VAV2: variants seen among roughly 807,000 people sequenced by gnomAD.
The protein encoded by VAV2 is vav guanine nucleotide exchange factor 2.
A neutral mutation model predicts 132.5 loss-of-function variants in VAV2; 67 were observed. That is an observed-to-expected ratio of 0.51 (90% CI 0.42 to 0.62). The LOEUF (loss-of-function observed/expected upper bound fraction) is 0.62, where lower values mean the gene tolerates loss of function less well. VAV2 is among the 20% of genes least tolerant of loss of function. The probability of loss-of-function intolerance (pLI) is 0.00; values close to 1 mark genes in which losing one functional copy is unlikely to be tolerated. For missense variants in VAV2, 938 were observed against 1,153.6 expected (o/e 0.81, Z 2.71); for synonymous variants, 492 against 443.5 (o/e 1.11, Z -1.37).
At chr9:133,872,522 G>A (rs1394739382) in intron 2 of VAV2, among the ~76,000 whole-genome samples, 1 of 152,220 alleles carries the variant, frequency 6.6e-6, no homozygotes, top group East Asian at 1.9e-4. Context: ...TGAAGGGTCG[G>A]GGTCCTAGGC....
At chr9:133,767,335 G>A (rs1245773600) in intron 29 of VAV2, among the ~76,000 whole-genome samples, 1 of 152,116 alleles carries the variant, frequency 6.6e-6, no homozygotes, top group Non-Finnish European at 1.5e-5. Context: ...AGCAGATCAA[G>A]GAGACTACAG....
At chr9:133,766,759 A>AATAAATATATAT (rs1554767605) in intron 29 of VAV2, among the ~76,000 whole-genome samples, 40 of 112,112 alleles carry the variant, frequency 3.6e-4, no homozygotes, top group South Asian at 5.9e-4. Context: ...AGTATAAATA[A>AATAAATATATAT]ATATATATAT....
rs1036543100 is a variant in VAV2, at chr9:133,962,193, G to A, written c.205-22974C>T. ...GGGGGATGAAGGGGTAACAGGTAAG[G>A]ATCTCAAGATGAGGCCACCCAGGAT... On this transcript the variant is annotated intron_variant, in intron 1 of 29. Transcript: ENST00000371850. Among the ~76,000 whole-genome samples, 13 of 152,258 alleles carry A rather than the reference G, an allele frequency of 8.5e-5. No homozygotes were observed. The East Asian group carries it at 2.5e-3, about 29-fold the overall frequency.
chr9:133,907,370 T>C (rs1373498256), intron 2 of VAV2, among the ~76,000 whole-genome samples: 2 of 152,102 alleles, frequency 1.3e-5, no homozygotes, highest in Non-Finnish European at 2.9e-5. Context: ...CTCCATCCCA[T>C]CACGGTTCAA....
intron 1 of VAV2, among the ~76,000 whole-genome samples, chr9:133,952,979 TAGAACCTGGAGGGAGCATGGCCCCC>T (rs1841616996): frequency 1.4e-5 from 2 of 140,828 alleles, no homozygotes; most frequent in East Asian, 4.2e-4. Context: ...CCGGGACACC[TAGAACCTGGAGGGAGCATGGCCCCC>T]GGGACACCTA....
intron 12 of VAV2, 71 bp downstream of exon 12, chr9:133,795,597 C>T: frequency 7.6e-6 from 12 of 1,576,102 alleles, no homozygotes; most frequent in Non-Finnish European, 1.0e-5. Flanking sequence ...CGTTAATGAG[C>T]CCAATTCCAG....
chr9:133,810,369 C>T (rs1835314435), intron 5 of VAV2, among the ~76,000 whole-genome samples, 164 bp from the exon 6 acceptor site: 2 of 152,352 alleles, frequency 1.3e-5, no homozygotes, highest in East Asian at 1.9e-4. Flanking sequence ...GGCGATGGCT[C>T]ATGGGCCAGA....
At chr9:133,974,450 C>T (rs992629691) in intron 1 of VAV2, among the ~76,000 whole-genome samples, 8 of 152,156 alleles carry the variant, frequency 5.3e-5, no homozygotes, top group Non-Finnish European at 1.2e-4. Flanking sequence ...ACAGTCACAT[C>T]AGCAGTGGTC....
chr9:133,961,840 G>A lies in VAV2; in HGVS notation c.205-22621C>T, dbSNP rs559999492. 1.6e-4 allele frequency among the ~76,000 whole-genome samples: 24 copies of A among 152,208 alleles called. No individual in the cohort carries two copies. Among genetic ancestry groups the A allele is most frequent in the Middle Eastern group, 3.4e-3 (1 of 294 alleles). The stretch of plus-strand genomic sequence containing the variant: ...AGTGGCCCCTCGTTCTGGTGGCCAC[G>A]CAGGCCTAGGCTGGGAACAGGGAGA... On this transcript the variant is annotated intron_variant, in intron 1 of 29. Coordinates refer to ENST00000371850, the MANE Select transcript of VAV2 (RefSeq NM_001134398.2). This position sits in a 1 kb window ranked among gnomAD's most constrained non-coding sequence, Gnocchi z 4.1.
intron 4 of VAV2, among the ~76,000 whole-genome samples, chr9:133,831,193 T>C (rs12554517): frequency 0.02 from 3,075 of 152,078 alleles, 79 homozygotes; most frequent in Admixed American, 0.058. Context: ...CTCAGCACTA[T>C]GGGAGGCCGA....
chr9:133,894,113 G>C (rs1487528623), intron 2 of VAV2, among the ~76,000 whole-genome samples: 2 of 152,204 alleles, frequency 1.3e-5, no homozygotes, highest in African/African-American at 4.8e-5. Flanking sequence ...AAGCTGCACG[G>C]GTGAGACCCT....
intron 23 of VAV2, among the ~76,000 whole-genome samples, chr9:133,777,034 C>CT (rs1833840236): frequency 6.6e-6 from 1 of 152,100 alleles, no homozygotes; most frequent in African/African-American, 2.4e-5. Context: ...TTTTTTCTCT[C>CT]TAAGGCTGCG....
chr9:133,798,894 C>T (rs891355342), intron 9 of VAV2, among the ~76,000 whole-genome samples: 1 of 152,218 alleles, frequency 6.6e-6, no homozygotes, highest in Non-Finnish European at 1.5e-5. Flanking sequence ...GTGATATGCT[C>T]TCTGGCAGGG....
intron 2 of VAV2, among the ~76,000 whole-genome samples, chr9:133,909,713 G>A (rs1344316378): frequency 6.6e-6 from 1 of 152,192 alleles, no homozygotes; most frequent in Admixed American, 6.5e-5. Flanking sequence ...GACACACGGT[G>A]TGTGAGGCCG....
At chr9:133,988,725 C>T (rs1435531356) in intron 1 of VAV2, among the ~76,000 whole-genome samples, 1 of 152,174 alleles carries the variant, frequency 6.6e-6, no homozygotes, top group Non-Finnish European at 1.5e-5. Flanking sequence ...AGTTCGAGAC[C>T]ACCCTGGCCA....
chr9:133,822,128 C>T (rs908585185), intron 4 of VAV2, among the ~76,000 whole-genome samples: 1 of 151,646 alleles, frequency 6.6e-6, no homozygotes, highest in Non-Finnish European at 1.5e-5. Flanking sequence ...AGAAAGGCAG[C>T]TGCTCAGAGG....
chr9:133,801,780 G>C (rs1005912628), intron 9 of VAV2, among the ~76,000 whole-genome samples: 1 of 152,208 alleles, frequency 6.6e-6, no homozygotes. Flanking sequence ...GAGACGCGGG[G>C]AGGCCATGTG....
rs1834341065 is a variant in VAV2, at chr9:133,788,879, A to T, written c.1274+379T>A. ...TGCCCCAGCACACAGTAGGTGCACA[A>T]GGAGGGCCCTGGACAAGCCTGGGCC... On this transcript the variant is annotated intron_variant, in intron 14 of 29. Coordinates refer to ENST00000371850, the MANE Select transcript of VAV2 (RefSeq NM_001134398.2). The surrounding 1 kb of genome is among the most constrained non-coding windows in gnomAD (Gnocchi z 5.3). 6.6e-6 allele frequency among the ~76,000 whole-genome samples: 1 copy of T among 152,160 alleles called. No individual in the cohort carries two copies.
intron 1 of VAV2, among the ~76,000 whole-genome samples, chr9:133,965,040 T>C (rs999078852): frequency 9.9e-5 from 15 of 152,112 alleles, no homozygotes; most frequent in African/African-American, 3.6e-4. Context: ...CTGTCCCTGT[T>C]TGCAGACATG....
Sources: allele counts gnomAD v4.1 joint callset (sites outside exome capture counted in the v4.1 genomes callset), GRCh38; gene constraint gnomAD v4.1.1; non-coding constraint Gnocchi (gnomAD v3.1); transcripts MANE v1.5; gene names NCBI Gene and HGNC (gene_info 2026-07-23, HGNC 2026-07-21).